The following CDIN1 variants were observed in gnomAD, a reference collection of about 807,000 sequenced individuals.
CDIN1 encodes the protein CDAN1 interacting nuclease 1.
Under a neutral mutation model 45.3 loss-of-function variants are expected in CDIN1, and 33 were observed. That is an observed-to-expected ratio of 0.73 (90% CI 0.55 to 0.97). The LOEUF is 0.97. Among genes scored for constraint, CDIN1 ranks in the 50% least tolerant of loss-of-function variants. The probability of loss-of-function intolerance (pLI) is 0.00; values close to 1 mark genes in which losing one functional copy is unlikely to be tolerated. For synonymous variants in CDIN1, 118 were observed against 124.4 expected, an observed-to-expected ratio of 0.95 and a Z score of 0.34; for missense variants, 303 against 339.4, an observed-to-expected ratio of 0.89 and a Z score of 0.84.
At chr15:36,792,267 G>T (rs559703731) in intron 10 of CDIN1, among the ~76,000 whole-genome samples, 44 of 152,260 alleles carry the variant, frequency 2.9e-4, no homozygotes, top group South Asian at 1.0e-3. Flanking sequence ...GGTTGTCAGA[G>T]CATCGAAGTG....
At chr15:36,622,048 A>G (rs1191508709) in intron 1 of CDIN1, among the ~76,000 whole-genome samples, 2 of 152,160 alleles carry the variant, frequency 1.3e-5, no homozygotes, top group Non-Finnish European at 2.9e-5. Flanking sequence ...AATGATGACT[A>G]CCTATAAGTG....
intron 10 of CDIN1, among the ~76,000 whole-genome samples, chr15:36,736,200 C>G (rs1027008508): frequency 3.3e-5 from 5 of 152,184 alleles, no homozygotes; most frequent in Admixed American, 2.6e-4. Flanking sequence ...CCATTTCTCT[C>G]TCTGTTTTTG....
At chr15:36,644,243 A>G (rs773129753) in intron 1 of CDIN1, 35 bp from the exon 2 acceptor site, 2 of 1,607,202 alleles carry the variant, frequency 1.2e-6, no homozygotes, top group East Asian at 2.2e-5. Context: ...CGTGCACTCC[A>G]GTAATTAACT....
chr15:36,786,248 CTCAA>C (rs1025424893), intron 10 of CDIN1, among the ~76,000 whole-genome samples: 9 of 152,168 alleles, frequency 5.9e-5, no homozygotes, highest in Admixed American at 1.3e-4. Context: ...ATAAAATTGT[CTCAA>C]TCCTATGATT....
intron 1 of CDIN1, among the ~76,000 whole-genome samples, chr15:36,588,920 G>A (rs528985672): frequency 3.9e-5 from 6 of 152,072 alleles, no homozygotes; most frequent in African/African-American, 1.4e-4. Context: ...GAATCCACAT[G>A]CTATAATTAT....
chr15:36,595,330 A>ATATAATATAATATAC (rs2037768412), intron 1 of CDIN1, among the ~76,000 whole-genome samples: 1 of 147,792 alleles, frequency 6.8e-6, no homozygotes, highest in South Asian at 2.1e-4. Context: ...ATATAATATA[A>ATATAATATAATATAC]TATAATATAA....
At chr15:36,751,539 TA>T (rs535557516) in intron 10 of CDIN1, among the ~76,000 whole-genome samples, 10 of 147,442 alleles carry the variant, frequency 6.8e-5, no homozygotes, top group Admixed American at 3.4e-4. Context: ...ACTAAAAATA[TA>T]AAAAAAAAAT....
intron 1 of CDIN1, chr15:36,617,679 CGTT>C (rs2038959331): frequency 1.3e-6 from 1 of 768,024 alleles, no homozygotes; most frequent in South Asian, 1.3e-5. Context: ...AAGTCATAAG[CGTT>C]GTATTGTGAT....
intron 8 of CDIN1, among the ~76,000 whole-genome samples, chr15:36,701,355 A>T (rs1401011568): frequency 6.6e-6 from 1 of 152,154 alleles, no homozygotes; most frequent in African/African-American, 2.4e-5. Flanking sequence ...TGGTAGAGAC[A>T]TGTTAACTAG....
intron 10 of CDIN1, among the ~76,000 whole-genome samples, chr15:36,722,670 G>A (rs1482303121): frequency 6.6e-6 from 1 of 152,088 alleles, no homozygotes; most frequent in South Asian, 2.1e-4. Context: ...GTATCATTCA[G>A]GTATCTCCTG....
chr15:36,622,105 G>T (rs765609401), intron 1 of CDIN1, among the ~76,000 whole-genome samples: 2 of 152,180 alleles, frequency 1.3e-5, no homozygotes, highest in African/African-American at 2.4e-5. Context: ...ACTTTTCAAA[G>T]TAAAGTGTTT....
chr15:36,799,563 A>AGTT (rs1407201217), intron 10 of CDIN1: 2 of 152,228 alleles, frequency 1.3e-5, no homozygotes, highest in African/African-American at 4.8e-5. Context: ...ATAGTTAAAT[A>AGTT]GTTGCCTTTT....
chr15:36,717,890 G>T (rs1353728293), intron 10 of CDIN1, among the ~76,000 whole-genome samples: 1 of 152,000 alleles, frequency 6.6e-6, no homozygotes, highest in African/African-American at 2.4e-5. Flanking sequence ...GTGTAAAAAT[G>T]TGTTAATGTG....
chr15:36,616,588 T>C (rs991618442), intron 1 of CDIN1, among the ~76,000 whole-genome samples: 1 of 152,114 alleles, frequency 6.6e-6, no homozygotes, highest in African/African-American at 2.4e-5. Flanking sequence ...TAGAGTAATA[T>C]CAGCCTTGTG....
intron 1 of CDIN1, among the ~76,000 whole-genome samples, chr15:36,585,677 G>T (rs1897180923): frequency 6.6e-6 from 1 of 152,220 alleles, no homozygotes; most frequent in Admixed American, 6.5e-5. Context: ...GGAGCTGGTA[G>T]TTCTAATGTT....
intron 8 of CDIN1, among the ~76,000 whole-genome samples, chr15:36,703,219 AATATAT>A (rs71126233): frequency 7.0e-5 from 4 of 57,364 alleles, no homozygotes; most frequent in Admixed American, 5.9e-4. Context: ...CCCTGTCTCA[AATATAT>A]ATATATATCA....
chr15:36,666,898 CT>C (rs1305325452), intron 5 of CDIN1, among the ~76,000 whole-genome samples: 1 of 152,176 alleles, frequency 6.6e-6, no homozygotes, highest in Non-Finnish European at 1.5e-5. Flanking sequence ...TTTCTAGGTG[CT>C]TTACCTACTT....
chr15:36,628,561 A>G (rs1219249533), intron 1 of CDIN1, among the ~76,000 whole-genome samples: 1 of 152,060 alleles, frequency 6.6e-6, no homozygotes, highest in Non-Finnish European at 1.5e-5. Flanking sequence ...TCTAACTCAA[A>G]CCTAATTTAG....
intron 10 of CDIN1, among the ~76,000 whole-genome samples, chr15:36,748,341 G>A (rs2044520301): frequency 6.6e-6 from 1 of 152,222 alleles, no homozygotes; most frequent in Non-Finnish European, 1.5e-5. Context: ...GTCTTAGTTT[G>A]TGACTTTGTT....
Sources: gnomAD v4.1 joint callset for allele counts (sites outside exome capture counted in the v4.1 genomes callset) on GRCh38, gnomAD v4.1.1 for gene constraint, MANE v1.5 for transcripts, NCBI Gene and HGNC (gene_info 2026-07-23, HGNC 2026-07-21) for gene names.